SLC39A12: variants seen among roughly 807,000 people sequenced by gnomAD.
SLC39A12 encodes solute carrier family 39 member 12.
Under a neutral mutation model 71.1 loss-of-function variants are expected in SLC39A12, and 63 were observed. The observed-to-expected ratio is 0.89, with a 90% CI of 0.72 to 1.09. SLC39A12 has a LOEUF of 1.09. SLC39A12 is among the 50% of genes least tolerant of loss of function. The probability of loss-of-function intolerance (pLI) is 0.00; values close to 1 mark genes in which losing one functional copy is unlikely to be tolerated. For synonymous variants in SLC39A12, 351 were observed against 301.3 expected (o/e 1.16, Z -1.71); for missense variants, 892 against 812.6 (o/e 1.10, Z -1.19).
At position 17,962,480 on chromosome 10, in the gene SLC39A12, G is replaced by T. The variant is rs553550553; in HGVS notation, c.543+618G>T. On this transcript the variant is annotated intron_variant, in intron 3 of 12. Transcript: ENST00000377369. Reference sequence around the variant, plus strand: ...AAACTGGCCTTTCAGTTAGGTTTTTGCTTTCTGGTTTGCAGCAGGAAATCT... The same window carrying T: ...AAACTGGCCTTTCAGTTAGGTTTTTTCTTTCTGGTTTGCAGCAGGAAATCT... Among the ~76,000 whole-genome samples, 48 of 151,326 alleles carry T rather than the reference G, an allele frequency of 3.2e-4. 1 individual carries two copies. The highest frequency in any genetic ancestry group is 1.2e-3 in the African/African-American group (48 of 41,238).
chr10:18,040,639 G>A (rs989098411), intron 12 of SLC39A12, among the ~76,000 whole-genome samples: 1 of 151,912 alleles, frequency 6.6e-6, no homozygotes, highest in African/African-American at 2.4e-5. Flanking sequence ...CATGGTGGTG[G>A]ATGCCTATAG....
At chr10:18,036,788 A>ATTTTTTTTTT (rs1319675306) in intron 12 of SLC39A12, among the ~76,000 whole-genome samples, 13 of 17,012 alleles carry the variant, frequency 7.6e-4, no homozygotes, top group African/African-American at 1.4e-3. Context: ...ATATATATAT[A>ATTTTTTTTTT]TATATATTTT....
chr10:17,993,791 A>G (rs1350021152), intron 9 of SLC39A12, among the ~76,000 whole-genome samples: 1 of 152,258 alleles, frequency 6.6e-6, no homozygotes, highest in Non-Finnish European at 1.5e-5. Context: ...AAAATCTTCT[A>G]TATTAATTCT....
chr10:18,034,535 G>T (rs1245729643), intron 12 of SLC39A12, among the ~76,000 whole-genome samples: 1 of 151,024 alleles, frequency 6.6e-6, no homozygotes, highest in African/African-American at 2.4e-5. Flanking sequence ...TTGAGCCTAT[G>T]TGTGTCTCTG....
intron 10 of SLC39A12, among the ~76,000 whole-genome samples, chr10:17,997,999 AAAT>A (rs1488010546): frequency 6.6e-6 from 1 of 152,156 alleles, no homozygotes. Context: ...ATCTTCCACT[AAAT>A]AATTTTTTTG....
intron 12 of SLC39A12, among the ~76,000 whole-genome samples, chr10:18,025,208 C>A (rs1226556125): frequency 6.7e-6 from 1 of 149,586 alleles, no homozygotes; most frequent in Non-Finnish European, 1.5e-5. Flanking sequence ...AAGCATTTTA[C>A]ATGGTTCTGT....
At chr10:18,009,269 C>T (rs1018837906) in intron 12 of SLC39A12, among the ~76,000 whole-genome samples, 1 of 151,936 alleles carries the variant, frequency 6.6e-6, no homozygotes, top group Admixed American at 6.6e-5. Context: ...TGGACAACTG[C>T]CCAGGAATTT....
Position 17,961,631 on chromosome 10 carries a change from TC to T in SLC39A12, c.313del (p.Gln105SerfsTer31). 1 of 1,613,956 alleles carries T rather than the reference TC, an allele frequency of 6.2e-7. No individual in the cohort carries two copies. The highest frequency in any genetic ancestry group is 8.5e-7 in the Non-Finnish European group (1 of 1,179,964). On this transcript the variant is annotated frameshift_variant, in exon 3 of 13. Transcript: ENST00000377369. LOFTEE classifies it high-confidence loss of function. ...LLIAGGNFED[Q>X]LREEVVQRVS... ...TAATAGCTGGAGGAAATTTTGAAGA[TC>T]AGCTTAGAGAAGAAGTGGTCCAGAG...
chr10:18,029,669 G>A (rs1165101302), intron 12 of SLC39A12, among the ~76,000 whole-genome samples: 2 of 151,912 alleles, frequency 1.3e-5, no homozygotes, highest in East Asian at 3.9e-4. Flanking sequence ...TCTACTCTTA[G>A]AGTATAAATC....
intron 5 of SLC39A12, among the ~76,000 whole-genome samples, chr10:17,979,243 C>T (rs994987510): frequency 2.6e-5 from 4 of 152,244 alleles, no homozygotes; most frequent in African/African-American, 9.6e-5. Flanking sequence ...CCAGTAAGGA[C>T]ATTTATGTTA....
intron 5 of SLC39A12, among the ~76,000 whole-genome samples, chr10:17,980,095 C>T (rs1021152134): frequency 6.6e-6 from 1 of 152,174 alleles, no homozygotes; most frequent in East Asian, 1.9e-4. Flanking sequence ...TTCAAGTTCT[C>T]ATTCCTTATG....
intron 12 of SLC39A12, among the ~76,000 whole-genome samples, chr10:18,026,028 A>G (rs1198527239): frequency 6.6e-6 from 1 of 152,188 alleles, no homozygotes; most frequent in Non-Finnish European, 1.5e-5. Flanking sequence ...CATTTCACTT[A>G]TACATGAGCA....
intron 10 of SLC39A12, 60 bp downstream of exon 10, chr10:17,995,782 T>G: frequency 1.4e-6 from 2 of 1,460,512 alleles, no homozygotes; most frequent in African/African-American, 2.8e-5. Context: ...TTATGTCTGT[T>G]TTAAAATAAA....
intron 3 of SLC39A12, among the ~76,000 whole-genome samples, chr10:17,964,606 G>A (rs1339497655): frequency 1.3e-5 from 2 of 152,182 alleles, no homozygotes; most frequent in Non-Finnish European, 2.9e-5. Flanking sequence ...TAATTTAATT[G>A]AGGAAAATTG....
At chr10:18,039,268 G>T (rs1837153042) in intron 12 of SLC39A12, among the ~76,000 whole-genome samples, 1 of 152,114 alleles carries the variant, frequency 6.6e-6, no homozygotes, top group Non-Finnish European at 1.5e-5. Context: ...TTCCATATTT[G>T]GAAATTAGAG....
intron 12 of SLC39A12, among the ~76,000 whole-genome samples, chr10:18,036,770 A>T (rs1267151438): frequency 1.2e-3 from 16 of 13,416 alleles, no homozygotes; most frequent in South Asian, 3.5e-3. Context: ...ATATATATAT[A>T]TATATATATA....
intron 12 of SLC39A12, among the ~76,000 whole-genome samples, chr10:18,034,371 C>T (rs1209405000): frequency 6.6e-6 from 1 of 152,118 alleles, no homozygotes; most frequent in East Asian, 1.9e-4. Flanking sequence ...ATAGTTAGCT[C>T]TTCTTGTTTA....
At chr10:17,996,492 T>C (rs1835685936) in intron 10 of SLC39A12, among the ~76,000 whole-genome samples, 1 of 152,262 alleles carries the variant, frequency 6.6e-6, no homozygotes, top group African/African-American at 2.4e-5. Context: ...CGTAATAACT[T>C]AGCAAATAGT....
chr10:17,987,674 A>G (rs747422479), intron 7 of SLC39A12, 23 bp downstream of exon 7: 1 of 1,612,882 alleles, frequency 6.2e-7, no homozygotes, highest in South Asian at 1.1e-5. Context: ...TTTCCATTTC[A>G]GATAAAGTTC....
Sources: gnomAD v4.1 joint callset for allele counts (sites outside exome capture counted in the v4.1 genomes callset) on GRCh38, gnomAD v4.1.1 for gene constraint, MANE v1.5 for transcripts, NCBI Gene and HGNC (gene_info 2026-07-23, HGNC 2026-07-21) for gene names.